The following MBOAT2 variants were observed in gnomAD, a reference collection of about 807,000 sequenced individuals.
The protein encoded by MBOAT2 is membrane-bound glycerophospholipid O-acyltransferase 2.
A neutral mutation model predicts 63.4 loss-of-function variants in MBOAT2; 28 were observed. The ratio of observed to expected loss-of-function variants is 0.44; its 90% CI spans 0.33 to 0.61. The LOEUF (loss-of-function observed/expected upper bound fraction) is 0.61. Ranked by LOEUF, MBOAT2 falls within the 20% of genes least tolerant of loss-of-function variation. The pLI is 0.03. For synonymous variants in MBOAT2, 211 were observed against 215.6 expected, an observed-to-expected ratio of 0.98 and a Z score of 0.19; for missense variants, 470 against 605.8, an observed-to-expected ratio of 0.78 and a Z score of 2.35.
At chr2:8,896,142 G>A (rs1479336835) in intron 4 of MBOAT2, among the ~76,000 whole-genome samples, 2 of 151,946 alleles carry the variant, frequency 1.3e-5, no homozygotes, top group Non-Finnish European at 2.9e-5. Context: ...AGGAGGCTGA[G>A]GCAGAAGAAT....
At chr2:8,884,089 AGTTGGGTGTGGCGGCGGGCGCCTAT>A (rs1663354140) in intron 5 of MBOAT2, among the ~76,000 whole-genome samples, 1 of 145,514 alleles carries the variant, frequency 6.9e-6, no homozygotes. Context: ...AAAAAAAATT[AGTTGGGTGTGGCGGCGGGCGCCTAT>A]AATCCCAACT....
At chr2:8,881,556 G>A (rs1445761050) in intron 6 of MBOAT2, among the ~76,000 whole-genome samples, 1 of 152,134 alleles carries the variant, frequency 6.6e-6, no homozygotes, top group Non-Finnish European at 1.5e-5. Context: ...ATTTGCTCTC[G>A]ATGTGAGAGG....
At chr2:8,991,433 A>G (rs774213364) in intron 1 of MBOAT2, among the ~76,000 whole-genome samples, 4 of 152,226 alleles carry the variant, frequency 2.6e-5, no homozygotes, top group Non-Finnish European at 5.9e-5. Context: ...CCAAGATGTG[A>G]TCTTCTCCAA....
At chr2:8,919,017 T>C (rs571030156) in intron 3 of MBOAT2, among the ~76,000 whole-genome samples, 1 of 152,316 alleles carries the variant, frequency 6.6e-6, no homozygotes, top group African/African-American at 2.4e-5. Flanking sequence ...ATGTAGTCTT[T>C]TGTATCTGGC....
chr2:8,986,546 CAG>C (rs1671582907), intron 1 of MBOAT2, among the ~76,000 whole-genome samples: 1 of 151,028 alleles, frequency 6.6e-6, no homozygotes, highest in South Asian at 2.1e-4. Context: ...CTGGGGGAGA[CAG>C]GGCGAGATTC....
chr2:8,866,864 A>T (rs1167568710), intron 9 of MBOAT2, among the ~76,000 whole-genome samples: 1 of 152,170 alleles, frequency 6.6e-6, no homozygotes, highest in Non-Finnish European at 1.5e-5. Flanking sequence ...AGATTTGGTT[A>T]TCTCAGCACA....
intron 1 of MBOAT2, among the ~76,000 whole-genome samples, chr2:8,982,426 T>A (rs972714227): frequency 2.6e-5 from 4 of 152,278 alleles, no homozygotes; most frequent in Middle Eastern, 3.4e-3. Flanking sequence ...TCAATTCTAG[T>A]TCTTCGCGAA....
intron 2 of MBOAT2, among the ~76,000 whole-genome samples, chr2:8,944,061 C>T (rs1413430297): frequency 6.6e-6 from 1 of 152,144 alleles, no homozygotes; most frequent in Non-Finnish European, 1.5e-5. Context: ...GACAGGGTTT[C>T]ACTATGTTGG....
intron 2 of MBOAT2, among the ~76,000 whole-genome samples, chr2:8,947,800 T>G (rs1367509124): frequency 6.6e-6 from 1 of 152,222 alleles, no homozygotes; most frequent in Non-Finnish European, 1.5e-5. Context: ...CCAAGAGCTC[T>G]GACAGAGGTG....
At chr2:8,908,842 AAC>A in intron 3 of MBOAT2, 126 bp from the exon 4 acceptor site, 1 of 571,502 alleles carries the variant, frequency 1.7e-6, no homozygotes, top group Non-Finnish European at 3.1e-6. Context: ...CTACTCTACA[AAC>A]ACCCTTCTTT....
At chr2:8,965,593 T>C (rs1463207644) in intron 1 of MBOAT2, among the ~76,000 whole-genome samples, 1 of 152,170 alleles carries the variant, frequency 6.6e-6, no homozygotes, top group East Asian at 1.9e-4. Context: ...CACAAAAGAT[T>C]GTATATTTTC....
In MBOAT2 at chr2:8,963,389, T is replaced by C. The variant is rs1558661363; in HGVS notation, c.76-4747A>G. On this transcript the variant is annotated intron_variant, in intron 1 of 12. Transcript: ENST00000305997. ...CACGATCTCAGCTCACTGTAACCTC[T>C]GCCTCCCGGGTTCAAGTGATTCTCC... 2.6e-5 allele frequency among the ~76,000 whole-genome samples: 4 copies of C among 152,286 alleles called. No individual in the cohort carries two copies. The South Asian group carries it at 6.2e-4, about 24-fold the overall frequency.
intron 1 of MBOAT2, among the ~76,000 whole-genome samples, chr2:8,970,579 C>T (rs760361073): frequency 3.9e-5 from 6 of 152,056 alleles, no homozygotes; most frequent in Non-Finnish European, 8.8e-5. Flanking sequence ...TCAATGAATC[C>T]AGCAGCTGGT....
chr2:8,887,751 A>G (rs1345453299), intron 5 of MBOAT2, among the ~76,000 whole-genome samples: 2 of 152,224 alleles, frequency 1.3e-5, no homozygotes, highest in Non-Finnish European at 2.9e-5. Context: ...TCTTTCCTTT[A>G]TATGTCAAAT....
At chr2:8,882,484 G>A in intron 6 of MBOAT2, 27 bp downstream of exon 6, 1 of 1,612,774 alleles carries the variant, frequency 6.2e-7, no homozygotes, top group Non-Finnish European at 8.5e-7. Context: ...CAGGAAGCAT[G>A]GCAGAATAGG....
chr2:8,873,662 G>A (rs1662505283), intron 7 of MBOAT2, among the ~76,000 whole-genome samples: 1 of 152,114 alleles, frequency 6.6e-6, no homozygotes, highest in Admixed American at 6.5e-5. Flanking sequence ...AATTTTATAT[G>A]GATATATATA....
chr2:8,895,226 A>G (rs975038034), intron 4 of MBOAT2, among the ~76,000 whole-genome samples: 18 of 152,112 alleles, frequency 1.2e-4, no homozygotes, highest in African/African-American at 4.3e-4. Flanking sequence ...TGATTGGTCA[A>G]TTTTACAGAG....
chr2:8,996,713 G>C (rs1672335915), intron 1 of MBOAT2, among the ~76,000 whole-genome samples: 1 of 152,154 alleles, frequency 6.6e-6, no homozygotes, highest in Non-Finnish European at 1.5e-5. Context: ...TAGTGCAGCT[G>C]GCTCGGGAAC....
At chr2:8,974,236 C>A in intron 1 of MBOAT2, 1 of 399,590 alleles carries the variant, frequency 2.5e-6, no homozygotes. Context: ...CTCAGCCAAT[C>A]ATCACCAACA....
Sources: allele counts gnomAD v4.1 joint callset (sites outside exome capture counted in the v4.1 genomes callset), GRCh38; gene constraint gnomAD v4.1.1; transcripts MANE v1.5; gene names NCBI Gene and HGNC (gene_info 2026-07-23, HGNC 2026-07-21).